Variants in KLF12 observed in about 807,000 individuals in gnomAD.
KLF12 encodes Krueppel-like factor 12.
Under a neutral mutation model 37.8 loss-of-function variants are expected in KLF12, and 9 were observed. The observed-to-expected ratio is 0.24, with a 90% CI of 0.14 to 0.42. The LOEUF (loss-of-function observed/expected upper bound fraction) is 0.42. Among genes scored for constraint, KLF12 ranks in the 10% least tolerant of loss-of-function variants. KLF12 has a pLI of 1.00. For missense variants in KLF12, 411 were observed against 516.0 expected, an observed-to-expected ratio of 0.80 and a Z score of 1.97; for synonymous variants, 208 against 202.1, an observed-to-expected ratio of 1.03 and a Z score of -0.25.
chr13:73,700,612 C>T (rs1041038621), intron 7 of KLF12, among the ~76,000 whole-genome samples: 3 of 151,922 alleles, frequency 2.0e-5, no homozygotes, highest in Non-Finnish European at 4.4e-5. Context: ...ATCTTCAATT[C>T]TCTCCTCAAA....
chr13:74,271,038 C>G, the KLF12 span, among the ~76,000 whole-genome samples: 1 of 152,156 alleles, frequency 6.6e-6, no homozygotes, highest in Non-Finnish European at 1.5e-5. Flanking sequence ...ACTGCCTGAG[C>G]TCCACCTCCT....
chr13:73,818,717 A>G (rs900118647), intron 4 of KLF12, among the ~76,000 whole-genome samples: 9 of 152,382 alleles, frequency 5.9e-5, no homozygotes, highest in Admixed American at 2.6e-4. Context: ...TGAATCCCAG[A>G]AGCAGATACT....
chr13:73,795,284 C>T (rs988894091), intron 5 of KLF12, among the ~76,000 whole-genome samples: 1 of 152,062 alleles, frequency 6.6e-6, no homozygotes, highest in Non-Finnish European at 1.5e-5. Context: ...CTGTAATGCA[C>T]AAAAAAATTT....
intron 5 of KLF12, among the ~76,000 whole-genome samples, chr13:73,789,739 C>A (rs1881558767): frequency 6.6e-6 from 1 of 151,086 alleles, no homozygotes; most frequent in South Asian, 2.1e-4. Context: ...TGCGGTGGTG[C>A]CATCTCCGCT....
At chr13:73,995,828 G>A (rs1291848771) in intron 1 of KLF12, among the ~76,000 whole-genome samples, 1 of 152,110 alleles carries the variant, frequency 6.6e-6, no homozygotes, top group Non-Finnish European at 1.5e-5. Context: ...TCAGCATTAT[G>A]TTACTTGCTT....
At chr13:74,163,137 T>G in the KLF12 span, among the ~76,000 whole-genome samples, 2 of 152,172 alleles carry the variant, frequency 1.3e-5, no homozygotes, top group African/African-American at 2.4e-5. Flanking sequence ...TTGGTGGGAA[T>G]GCAAATTAGT....
chr13:73,777,155 G>A (rs1179344280), intron 5 of KLF12, among the ~76,000 whole-genome samples: 1 of 152,162 alleles, frequency 6.6e-6, no homozygotes. Flanking sequence ...TTTGGGCTGG[G>A]TGTCCTAAGA....
At chr13:74,037,695 T>A (rs1893291465) in intron 1 of KLF12, among the ~76,000 whole-genome samples, 1 of 152,168 alleles carries the variant, frequency 6.6e-6, no homozygotes, top group African/African-American at 2.4e-5. Context: ...GGACTCCCAT[T>A]ATGATAATGT....
At chr13:74,126,341 G>A (rs1877940494) in intron 1 of KLF12, among the ~76,000 whole-genome samples, 1 of 152,128 alleles carries the variant, frequency 6.6e-6, no homozygotes, top group African/African-American at 2.4e-5. Flanking sequence ...GAAGGGACCA[G>A]ACATGTTTTA....
chr13:73,711,196 T>C (rs1341851908), intron 7 of KLF12, among the ~76,000 whole-genome samples: 1 of 152,210 alleles, frequency 6.6e-6, no homozygotes, highest in Admixed American at 6.5e-5. Flanking sequence ...GCTGTCTCCA[T>C]AACATATAAG....
intron 4 of KLF12, among the ~76,000 whole-genome samples, chr13:73,837,582 G>A (rs1884502786): frequency 6.6e-6 from 1 of 152,150 alleles, no homozygotes; most frequent in African/African-American, 2.4e-5. Flanking sequence ...TGGGCTGCCT[G>A]CCTTTCTCTC....
chr13:74,299,321 G>C, the KLF12 span, among the ~76,000 whole-genome samples: 6 of 152,182 alleles, frequency 3.9e-5, no homozygotes, highest in Non-Finnish European at 5.9e-5. Flanking sequence ...GAAATTCTGA[G>C]TGGAAGAGCA....
intron 1 of KLF12, among the ~76,000 whole-genome samples, chr13:74,079,415 C>CA (rs1874753423): frequency 6.6e-6 from 1 of 152,090 alleles, no homozygotes. Context: ...TTAAAAATAA[C>CA]AAAAAGATTT....
the KLF12 span, among the ~76,000 whole-genome samples, chr13:74,291,422 G>A: frequency 6.6e-6 from 1 of 152,320 alleles, no homozygotes; most frequent in Non-Finnish European, 1.5e-5. Flanking sequence ...AGGCTCAAAA[G>A]TCTCATCATC....
At position 73,692,626 on chromosome 13, in the gene KLF12, A is replaced by G. The variant is rs1448128673; in HGVS notation, c.*2864T>C. 1 of 152,624 alleles carries G rather than the reference A, an allele frequency of 6.6e-6. No homozygotes were observed. The highest frequency in any genetic ancestry group is 1.5e-5 in the Non-Finnish European group (1 of 68,036). 9.5% of individuals were successfully genotyped at this position (152,624 alleles called of 1,614,324 possible). A position where few individuals can be genotyped will look rare whatever the true frequency, so the allele number is the denominator to read the frequency against. On this transcript the variant is annotated 3_prime_UTR_variant, in exon 8 of 8. Transcript: ENST00000377669. ...AATGGAGGCTCTTCCATGACTGAAG[A>G]CATTCCATTTCTTTCTGTCCCAAAC...
Position 74,047,590 on chromosome 13 carries a change from C to A in KLF12, c.-31-52537G>T, listed in dbSNP as rs184581342. Reference sequence around the variant, plus strand: ...CCAGCCTGGGCGACATAATGAGACTCCATCTCAAATAAAAAAAAAAAAAAA... The same window carrying A: ...CCAGCCTGGGCGACATAATGAGACTACATCTCAAATAAAAAAAAAAAAAAA... On this transcript the variant is annotated intron_variant, in intron 1 of 7. Coordinates refer to ENST00000377669, the MANE Select transcript of KLF12 (RefSeq NM_007249.5). Among the ~76,000 whole-genome samples, 534 of 101,428 alleles carry A rather than the reference C, an allele frequency of 5.3e-3. 2 individuals carry two copies. The highest frequency in any genetic ancestry group is 0.02 in the African/African-American group (513 of 25,762). The allele number at this position is 101,428 out of a possible 152,430, so 66.5% of individuals were successfully genotyped here. A position where few individuals can be genotyped will look rare whatever the true frequency, so the allele number is the denominator to read the frequency against.
intron 1 of KLF12, among the ~76,000 whole-genome samples, chr13:74,051,178 G>A (rs1872897247): frequency 6.6e-6 from 1 of 152,108 alleles, no homozygotes; most frequent in Admixed American, 6.6e-5. Context: ...TCCCACTACC[G>A]AGTATGTAAC....
chr13:73,897,984 T>C (rs957855027), intron 3 of KLF12, among the ~76,000 whole-genome samples: 2 of 152,178 alleles, frequency 1.3e-5, no homozygotes, highest in African/African-American at 4.8e-5. Context: ...TTCTTCAAGA[T>C]TCTACATTCT....
At chr13:74,029,226 A>G (rs983860768) in intron 1 of KLF12, among the ~76,000 whole-genome samples, 2 of 152,138 alleles carry the variant, frequency 1.3e-5, no homozygotes. Context: ...AAAGGGATTT[A>G]TAAATCATAT....
Sources: gnomAD v4.1 joint callset for allele counts (sites outside exome capture counted in the v4.1 genomes callset) on GRCh38, gnomAD v4.1.1 for gene constraint, MANE v1.5 for transcripts, NCBI Gene and HGNC (gene_info 2026-07-23, HGNC 2026-07-21) for gene names.